The following FYB1 variants were observed in gnomAD, a reference collection of about 807,000 sequenced individuals.
FYB1 encodes FYN-binding protein 1.
A neutral mutation model predicts 94.1 loss-of-function variants in FYB1; 41 were observed. That is an observed-to-expected ratio of 0.44 (90% CI 0.34 to 0.57). The LOEUF is 0.57. FYB1 is among the 20% of genes least tolerant of loss of function. The pLI is 0.02. For synonymous variants in FYB1, 367 were observed against 353.2 expected (o/e 1.04, Z -0.44); for missense variants, 1,050 against 976.8 (o/e 1.07, Z -1.00).
intron 1 of FYB1, among the ~76,000 whole-genome samples, chr5:39,266,177 ATTAAGTCAAT>A (rs1212186226): frequency 5.9e-5 from 9 of 152,202 alleles, no homozygotes; most frequent in Non-Finnish European, 1.2e-4. Context: ...AAGGATATAG[ATTAAGTCAAT>A]TTCCACAGGG....
chr5:39,176,474 A>C (rs1745747590), intron 2 of FYB1, among the ~76,000 whole-genome samples: 1 of 152,078 alleles, frequency 6.6e-6, no homozygotes, highest in Non-Finnish European at 1.5e-5. Context: ...TATTTGCTTA[A>C]GAACAACATG....
chr5:39,233,679 C>T (rs372091689), intron 1 of FYB1, among the ~76,000 whole-genome samples: 95 of 152,128 alleles, frequency 6.2e-4, no homozygotes, highest in African/African-American at 2.2e-3. Context: ...TGTTTAATGC[C>T]TGGCATAATA....
intron 1 of FYB1, among the ~76,000 whole-genome samples, chr5:39,226,859 G>A (rs758939424): frequency 6.6e-6 from 1 of 152,192 alleles, no homozygotes; most frequent in African/African-American, 2.4e-5. Flanking sequence ...AGAGTTTAGT[G>A]CAGCATCAGG....
chr5:39,245,117 C>CGT (rs1228312581), intron 1 of FYB1, among the ~76,000 whole-genome samples: 2 of 138,766 alleles, frequency 1.4e-5, no homozygotes, highest in African/African-American at 6.7e-5. Context: ...CAGAATTAAT[C>CGT]ATGAGTTATG....
chr5:39,239,944 T>C (rs1255858379), intron 1 of FYB1, among the ~76,000 whole-genome samples: 1 of 152,164 alleles, frequency 6.6e-6, no homozygotes, highest in East Asian at 1.9e-4. Flanking sequence ...AATGGCATGG[T>C]ACTTTCTGCC....
At chr5:39,253,623 G>A (rs1369576914) in intron 1 of FYB1, among the ~76,000 whole-genome samples, 5 of 152,022 alleles carry the variant, frequency 3.3e-5, no homozygotes, top group African/African-American at 4.8e-5. Flanking sequence ...GTATAGGATT[G>A]TTACATAGGT....
At chr5:39,147,450 G>A (rs928118887) in intron 3 of FYB1, among the ~76,000 whole-genome samples, 1 of 115,152 alleles carries the variant, frequency 8.7e-6, no homozygotes, top group East Asian at 2.6e-4. Context: ...TTGTACATAT[G>A]CCTGTGTGTG....
intron 1 of FYB1, among the ~76,000 whole-genome samples, chr5:39,242,389 G>A (rs183495876): frequency 1.9e-3 from 280 of 148,700 alleles, no homozygotes; most frequent in Non-Finnish European, 2.7e-3. Flanking sequence ...AACATGTGGT[G>A]TTTGGTTATT....
intron 15 of FYB1, 65 bp from the exon 16 acceptor site, chr5:39,119,101 G>T: frequency 1.4e-6 from 1 of 724,392 alleles, no homozygotes; most frequent in Non-Finnish European, 2.0e-6. Flanking sequence ...ACTTATTTAT[G>T]GATGGATTTA....
At chr5:39,125,476 G>A (rs1042190100) in intron 12 of FYB1, among the ~76,000 whole-genome samples, 4 of 152,096 alleles carry the variant, frequency 2.6e-5, no homozygotes, top group African/African-American at 7.2e-5. Context: ...TCATTAGAGT[G>A]TAATATAGTT....
chr5:39,162,983 C>T (rs534019583), intron 2 of FYB1, among the ~76,000 whole-genome samples: 1 of 152,222 alleles, frequency 6.6e-6, no homozygotes, highest in South Asian at 2.1e-4. Context: ...TGAACATTCT[C>T]TTTTATGATT....
intron 9 of FYB1, among the ~76,000 whole-genome samples, chr5:39,132,134 T>C (rs1448395058): frequency 6.6e-6 from 1 of 152,184 alleles, no homozygotes; most frequent in East Asian, 1.9e-4. Flanking sequence ...GGCTGTGCTT[T>C]GAAGCCTCAA....
chr5:39,209,168 G>T (rs1302198262), intron 1 of FYB1, among the ~76,000 whole-genome samples: 1 of 152,002 alleles, frequency 6.6e-6, no homozygotes, highest in Non-Finnish European at 1.5e-5. Context: ...TTTACTATTA[G>T]AAATTACCTC....
chr5:39,211,095 A>C (rs998238457), intron 1 of FYB1: 1 of 152,214 alleles, frequency 6.6e-6, no homozygotes, highest in African/African-American at 2.4e-5. Flanking sequence ...GCATGACCTG[A>C]AAATACCAAA....
chr5:39,217,613 T>G (rs1437327181), intron 1 of FYB1, among the ~76,000 whole-genome samples: 1 of 152,044 alleles, frequency 6.6e-6, no homozygotes, highest in Non-Finnish European at 1.5e-5. Context: ...AGAAACTGAG[T>G]CATGGAACCA....
intron 2 of FYB1, among the ~76,000 whole-genome samples, chr5:39,162,198 CAA>C (rs1225447841): frequency 6.6e-6 from 1 of 152,044 alleles, no homozygotes; most frequent in African/African-American, 2.4e-5. Flanking sequence ...GGGTAAATAC[CAA>C]GAGTAGAATT....
At chr5:39,137,813 G>A (rs370552622) in intron 6 of FYB1, 93 bp from the exon 7 acceptor site, 22 of 1,496,232 alleles carry the variant, frequency 1.5e-5, no homozygotes, top group East Asian at 1.2e-4. Flanking sequence ...AACAGAAAAG[G>A]TGGTATCTGA....
At chr5:39,111,797 A>G (rs1289674608) in intron 16 of FYB1, among the ~76,000 whole-genome samples, 2 of 151,934 alleles carry the variant, frequency 1.3e-5, no homozygotes, top group Admixed American at 1.3e-4. Flanking sequence ...AAAGTAGGAA[A>G]GTAATGAAAC....
At chr5:39,270,707 T>C in intron 1 of FYB1, 3 of 678,416 alleles carry the variant, frequency 4.4e-6, no homozygotes, top group Non-Finnish European at 4.6e-6. Context: ...CTTTCACACA[T>C]TGATATGTGA....
Sources: allele counts gnomAD v4.1 joint callset (sites outside exome capture counted in the v4.1 genomes callset), GRCh38; gene constraint gnomAD v4.1.1; transcripts MANE v1.5; gene names NCBI Gene and HGNC (gene_info 2026-07-23, HGNC 2026-07-21).